THAP2: variants seen among roughly 807,000 people sequenced by gnomAD.
The protein encoded by THAP2 is THAP domain-containing protein 2.
A neutral mutation model predicts 18.8 loss-of-function variants in THAP2; 16 were observed. That is an observed-to-expected ratio of 0.85 (90% CI 0.58 to 1.29). THAP2 has a LOEUF of 1.29. Ranked by LOEUF, THAP2 falls within the 50% of genes most tolerant of loss-of-function variation. The probability of loss-of-function intolerance (pLI) is 0.00; values close to 1 mark genes in which losing one functional copy is unlikely to be tolerated. For synonymous variants in THAP2, 80 were observed against 89.2 expected (o/e 0.90, Z 0.58); for missense variants, 251 against 265.3 (o/e 0.95, Z 0.38).
At chr12:71,669,967 A>AAC (rs1881406783) in intron 1 of THAP2, among the ~76,000 whole-genome samples, 1 of 151,870 alleles carries the variant, frequency 6.6e-6, no homozygotes, top group African/African-American at 2.4e-5. Flanking sequence ...CAAAAAAAAA[A>AAC]AAAAAACTCT....
rs139382977 is a variant in THAP2, at chr12:71,674,307, C to T, written c.176C>T (p.Ala59Val). Reference sequence around the variant, plus strand: ...TTTCTTTGTTCAAAGCACTTTGAAGCCTCCTGTTTTGACCTAACAGGACAA... The same window carrying T: ...TTTCTTTGTTCAAAGCACTTTGAAGTCTCCTGTTTTGACCTAACAGGACAA... ...HTFLCSKHFE[A>V]SCFDLTGQTR... The change falls in exon 2 of 3, where the codon GCC becomes GTC. Residue 59 changes from alanine to valine, a missense_variant. Physicochemically the swap from Ala to Val is moderately conservative, Grantham distance 64. Coordinates refer to ENST00000308086, the MANE Select transcript of THAP2 (RefSeq NM_031435.4). 2 of 1,613,072 alleles carry T rather than the reference C, an allele frequency of 1.2e-6. No individual in the cohort carries two copies. Among genetic ancestry groups the T allele is most frequent in the African/African-American group, 2.7e-5 (2 of 74,810 alleles).
At position 71,677,833 on chromosome 12, in the gene THAP2, G is replaced by C. The variant is rs1430688690; in HGVS notation, c.*725G>C. 4 of 152,064 alleles carry C rather than the reference G, an allele frequency of 2.6e-5. No homozygotes were observed. 9.4% of individuals were successfully genotyped at this position (152,064 alleles called of 1,614,324 possible). A position where few individuals can be genotyped will look rare whatever the true frequency, so the allele number is the denominator to read the frequency against. Reference sequence around the variant, plus strand: ...AAAATAATTCAGAGTTCAGGACCTAGCTTAGATAAATGTATACTACTCTTT... The same window carrying C: ...AAAATAATTCAGAGTTCAGGACCTACCTTAGATAAATGTATACTACTCTTT... On this transcript the variant is annotated 3_prime_UTR_variant, in exon 3 of 3. Coordinates refer to ENST00000308086, the MANE Select transcript of THAP2 (RefSeq NM_031435.4).
intron 1 of THAP2, 91 bp downstream of exon 1, chr12:71,664,671 C>T: frequency 3.4e-6 from 5 of 1,455,576 alleles, no homozygotes; most frequent in Non-Finnish European, 3.8e-6. Context: ...TCTGCTAATT[C>T]TAATAACTTT....
At chr12:71,665,445 T>C (rs991611790) in intron 1 of THAP2, 13 of 155,600 alleles carry the variant, frequency 8.4e-5, no homozygotes, top group African/African-American at 2.7e-4. Flanking sequence ...AAAAATCTTG[T>C]GATGTTTCTG....
chr12:71,666,539 A>C (rs922740575), intron 1 of THAP2, among the ~76,000 whole-genome samples: 37 of 152,196 alleles, frequency 2.4e-4, no homozygotes, highest in African/African-American at 8.4e-4. Context: ...CAAAACAAAA[A>C]AAAAGAGATG....
intron 2 of THAP2, among the ~76,000 whole-genome samples, chr12:71,674,785 C>T (rs1881496579): frequency 6.6e-6 from 1 of 151,980 alleles, no homozygotes. Context: ...AATGTAAGTT[C>T]AGAGGGAGGC....
chr12:71,671,463 C>G (rs181804067), intron 1 of THAP2, among the ~76,000 whole-genome samples: 1 of 152,298 alleles, frequency 6.6e-6, no homozygotes, highest in Admixed American at 6.5e-5. Context: ...TCTTGAATTT[C>G]TTTAAGATCC....
At chr12:71,673,504 A>C (rs2137580750) in intron 1 of THAP2, among the ~76,000 whole-genome samples, 1 of 152,302 alleles carries the variant, frequency 6.6e-6, no homozygotes, top group Middle Eastern at 3.4e-3. Context: ...TTTCTGCTGC[A>C]CTACATAATT....
rs769193621 is a variant in THAP2, at chr12:71,676,995, C to T, written c.574C>T (p.Pro192Ser). 7 of 1,613,662 alleles carry T rather than the reference C, an allele frequency of 4.3e-6. No individual in the cohort carries two copies. Among genetic ancestry groups the T allele is most frequent in the Non-Finnish European group, 5.9e-6 (7 of 1,179,668 alleles). ...LPKGTSEHML[P>S]TALSSLPLED... is the part of the protein sequence containing the mutation. ...TAAAGGTACATCAGAACACATGTTA[C>T]CAACTGCCTTAAGCAGTCTTCCTTT... The change falls in exon 3 of 3, where the codon CCA (proline) becomes TCA (serine). Residue 192 changes from proline (P) to serine (S), a missense_variant. Pro to Ser is a moderately conservative substitution (Grantham distance 74). Coordinates refer to ENST00000308086, the MANE Select transcript of THAP2 (RefSeq NM_031435.4).
Position 71,678,249 on chromosome 12 carries a change from T to G in THAP2, c.*1141T>G, listed in dbSNP as rs1248491491. On this transcript the variant is annotated 3_prime_UTR_variant, in exon 3 of 3. Coordinates refer to ENST00000308086, the MANE Select transcript of THAP2 (RefSeq NM_031435.4). The stretch of plus-strand genomic sequence containing the variant: ...GGTTGAGGCTATAGTGAGCTGTGAT[T>G]GCACGACTGCACTCCAGCCTGGGCA... 1 of 152,502 alleles carries G rather than the reference T, an allele frequency of 6.6e-6. No homozygotes were observed. Among genetic ancestry groups the G allele is most frequent in the Non-Finnish European group, 1.5e-5 (1 of 68,042 alleles). The allele number at this position is 152,502 out of a possible 1,614,324, so 9.4% of individuals were successfully genotyped here.
rs976036179 is a variant in THAP2, at chr12:71,680,469, A to G, written c.*3361A>G. 6.6e-6 allele frequency: 1 copy of G among 152,576 alleles called. No individual in the cohort carries two copies. The highest frequency in any genetic ancestry group is 1.5e-5 in the Non-Finnish European group (1 of 68,000). The allele number at this position is 152,576 out of a possible 1,614,324, so 9.5% of individuals were successfully genotyped here. On this transcript the variant is annotated 3_prime_UTR_variant, in exon 3 of 3. Coordinates refer to ENST00000308086, the MANE Select transcript of THAP2 (RefSeq NM_031435.4). ...AATATTAGAATACGGGTAGATTTTA[A>G]TTTTGCTATAATATAGGAAATGGTT...
rs1881338084 is a variant in THAP2 at position 71,666,109 on chromosome 12, T to C, written c.71+1529T>C. On this transcript the variant is annotated intron_variant, in intron 1 of 2. Transcript: ENST00000308086. ...CCCAAATTTCTAGACTAGGGTGATATTAGAGTAGAAATGGAGAGGAGGGGA... is the reference window on the plus strand; with the variant it reads ...CCCAAATTTCTAGACTAGGGTGATACTAGAGTAGAAATGGAGAGGAGGGGA... Among the ~76,000 whole-genome samples the C allele has an allele frequency of 2.6e-5, 4 of 152,128 alleles. No homozygotes were observed. In the South Asian group the frequency reaches 8.3e-4, roughly 32 times the overall value.
rs370227247 is a variant in THAP2, at chr12:71,674,252, C to T, written c.121C>T (p.Arg41Cys). Residue 41 changes from arginine (R) to cysteine (C), a missense_variant, in exon 2 of 3, where the codon CGC (arginine) becomes TGC (cysteine). Arg to Cys is a radical substitution (Grantham distance 180). Coordinates refer to ENST00000308086, the MANE Select transcript of THAP2 (RefSeq NM_031435.4). ...RRKEWVRLVRRKNFVPGKHTF... is the reference protein window; with the variant it reads ...RRKEWVRLVRCKNFVPGKHTF... Reference sequence around the variant, plus strand: ...AAAAGAATGGGTTCGCCTGGTTAGGCGCAAAAATTTTGTGCCAGGAAAACA... The same window carrying T: ...AAAAGAATGGGTTCGCCTGGTTAGGTGCAAAAATTTTGTGCCAGGAAAACA... The T allele has an allele frequency of 1.5e-5, 24 of 1,611,498 alleles. No individual in the cohort carries two copies. The highest frequency in any genetic ancestry group is 8.8e-5 in the South Asian group (8 of 90,888).
chr12:71,676,356 T>C (rs1277595948), intron 2 of THAP2, among the ~76,000 whole-genome samples: 2 of 152,204 alleles, frequency 1.3e-5, no homozygotes, highest in East Asian at 3.9e-4. Context: ...ATATTGTAAA[T>C]TGACCTTAGT....
At chr12:71,676,288 GA>G (rs1284583339) in intron 2 of THAP2, among the ~76,000 whole-genome samples, 1 of 152,006 alleles carries the variant, frequency 6.6e-6, no homozygotes, top group Non-Finnish European at 1.5e-5. Context: ...TTATCAAATT[GA>G]GAAAAGGGTA....
At chr12:71,671,981 A>G (rs1455649658) in intron 1 of THAP2, among the ~76,000 whole-genome samples, 3 of 152,152 alleles carry the variant, frequency 2.0e-5, no homozygotes, top group Admixed American at 2.0e-4. Context: ...CAGCCTTCTC[A>G]TTTTACAACA....
At chr12:71,668,706 AT>A (rs1881384494) in intron 1 of THAP2, among the ~76,000 whole-genome samples, 1 of 152,238 alleles carries the variant, frequency 6.6e-6, no homozygotes, top group African/African-American at 2.4e-5. Flanking sequence ...TGTATGAGGC[AT>A]TCAACTAATT....
intron 1 of THAP2, among the ~76,000 whole-genome samples, chr12:71,672,266 C>T (rs1030100186): frequency 1.3e-5 from 2 of 152,306 alleles, no homozygotes; most frequent in Non-Finnish European, 2.9e-5. Context: ...GGAACATCTG[C>T]AGCCTCTTGG....
chr12:71,664,826 C>T (rs1402931748), intron 1 of THAP2: 1 of 704,236 alleles, frequency 1.4e-6, no homozygotes. Flanking sequence ...AAAAAAGTAA[C>T]AGGAGGATAT....
Sources: allele counts gnomAD v4.1 joint callset (sites outside exome capture counted in the v4.1 genomes callset), GRCh38; gene constraint gnomAD v4.1.1; transcripts MANE v1.5; gene names NCBI Gene and HGNC (gene_info 2026-07-23, HGNC 2026-07-21).